The following IQUB variants were observed in gnomAD, a reference collection of about 807,000 sequenced individuals.
IQUB encodes the protein IQ motif and ubiquitin-like domain-containing protein.
In IQUB, 86 loss-of-function variants were observed where a neutral mutation model predicts 86.4. That is an observed-to-expected ratio of 1.00 (90% CI 0.84 to 1.19). IQUB has a LOEUF of 1.19. Ranked by LOEUF, IQUB falls within the 50% of genes most tolerant of loss-of-function variation. The pLI, the probability that IQUB is intolerant of heterozygous loss-of-function variation, is 0.00. For missense variants in IQUB, 946 were observed against 916.9 expected (o/e 1.03, Z -0.41); for synonymous variants, 289 against 304.5 (o/e 0.95, Z 0.53).
At chr7:123,530,188 C>G (rs1440828636) in intron 1 of IQUB, among the ~76,000 whole-genome samples, 1 of 151,430 alleles carries the variant, frequency 6.6e-6, no homozygotes, top group African/African-American at 2.4e-5. Flanking sequence ...GCCTGGGCAA[C>G]AGAGCAAGAC....
At chr7:123,498,281 C>G (rs1318683054) in intron 6 of IQUB, among the ~76,000 whole-genome samples, 1 of 151,996 alleles carries the variant, frequency 6.6e-6, no homozygotes, top group African/African-American at 2.4e-5. Flanking sequence ...TCAGAAACTC[C>G]TGGGTAAGCA....
intron 12 of IQUB, among the ~76,000 whole-genome samples, chr7:123,456,283 T>G (rs758436136): frequency 1.3e-5 from 2 of 152,070 alleles, no homozygotes; most frequent in Non-Finnish European, 2.9e-5. Context: ...CACTGGAATA[T>G]CAGCTTTGGG....
At chr7:123,509,351 T>C (rs1162402888) in intron 3 of IQUB, among the ~76,000 whole-genome samples, 1 of 152,168 alleles carries the variant, frequency 6.6e-6, no homozygotes, top group Non-Finnish European at 1.5e-5. Flanking sequence ...ATGTACAGAA[T>C]ACTCATAAAT....
In IQUB at chr7:123,479,880, G is replaced by A. The variant is rs1039643814; in HGVS notation, c.1325C>T (p.Thr442Ile). ...TCTCCCAATGGAAGCAATTATCTGA[G>A]TCTCTTTTTCCAGAAGTTCACACAG... ...AALCELLEKE[T>I]QIIASIGRHR... Residue 442 changes from threonine to isoleucine, a missense_variant, in exon 8 of 13, where the codon ACT (threonine) becomes ATT (isoleucine). Coordinates refer to ENST00000324698, the MANE Select transcript of IQUB (RefSeq NM_178827.5). The A allele has an allele frequency of 7.4e-6, 12 of 1,612,754 alleles. No homozygotes were observed. Among genetic ancestry groups the A allele is most frequent in the African/African-American group, 1.3e-5 (1 of 74,814 alleles).
At chr7:123,517,213 T>C (rs893154285) in intron 1 of IQUB, among the ~76,000 whole-genome samples, 6 of 152,030 alleles carry the variant, frequency 3.9e-5, no homozygotes, top group Admixed American at 2.6e-4. Flanking sequence ...ATTAGACAGA[T>C]AAATCTGACC....
At chr7:123,499,368 C>T (rs376332698) in intron 6 of IQUB, among the ~76,000 whole-genome samples, 2 of 152,116 alleles carry the variant, frequency 1.3e-5, no homozygotes, top group East Asian at 1.9e-4. Context: ...CTTCAGCCTC[C>T]CAAAGTACTG....
At chr7:123,489,410 A>G (rs1334178952) in intron 7 of IQUB, among the ~76,000 whole-genome samples, 1 of 152,162 alleles carries the variant, frequency 6.6e-6, no homozygotes, top group Non-Finnish European at 1.5e-5. Context: ...TTACTCTCAT[A>G]TTTTTTAAAT....
At chr7:123,475,061 T>C (rs1794688868) in intron 8 of IQUB, among the ~76,000 whole-genome samples, 1 of 152,176 alleles carries the variant, frequency 6.6e-6, no homozygotes, top group South Asian at 2.1e-4. Context: ...TTTCCAAAAA[T>C]AAAATTATGT....
chr7:123,518,952 G>A (rs891509782), intron 1 of IQUB, among the ~76,000 whole-genome samples: 20 of 147,800 alleles, frequency 1.4e-4, no homozygotes, highest in South Asian at 2.2e-4. Context: ...TTCCAGGGAG[G>A]CCTCCCTAAT....
Position 123,503,283 on chromosome 7 carries a change from T to C in IQUB, c.613A>G (p.Thr205Ala), listed in dbSNP as rs1190041488. ...QEIVQVEIFS[T>A]NPDLYPVRRI... is the part of the protein sequence containing the mutation. ...CTGACTGGATACAGATCTGGATTTG[T>C]AGAAAAGATTTCCACTTGTACAATT... Residue 205 changes from threonine (T) to alanine (A), a missense_variant, in exon 4 of 13, where the codon ACA (threonine) becomes GCA (alanine). Coordinates refer to ENST00000324698, the MANE Select transcript of IQUB (RefSeq NM_178827.5). 7 of 1,606,692 alleles carry C rather than the reference T, an allele frequency of 4.4e-6. No homozygotes were observed. Among genetic ancestry groups the C allele is most frequent in the African/African-American group, 2.7e-5 (2 of 74,804 alleles).
intron 8 of IQUB, among the ~76,000 whole-genome samples, chr7:123,478,946 G>A (rs983534291): frequency 4.6e-5 from 7 of 152,100 alleles, no homozygotes; most frequent in African/African-American, 9.7e-5. Context: ...AAGGGATCTG[G>A]CATGGAACTA....
intron 1 of IQUB, among the ~76,000 whole-genome samples, chr7:123,523,723 C>T (rs527263312): frequency 6.6e-6 from 1 of 152,184 alleles, no homozygotes; most frequent in East Asian, 1.9e-4. Flanking sequence ...TCCCATTTGT[C>T]AATTTTTACT....
intron 7 of IQUB, among the ~76,000 whole-genome samples, chr7:123,489,138 C>T (rs1290813605): frequency 6.6e-6 from 1 of 152,154 alleles, no homozygotes; most frequent in African/African-American, 2.4e-5. Flanking sequence ...GGATGCGGAC[C>T]TATGTATAAC....
At chr7:123,489,677 A>G (rs1795373020) in intron 7 of IQUB, among the ~76,000 whole-genome samples, 1 of 151,918 alleles carries the variant, frequency 6.6e-6, no homozygotes, top group Non-Finnish European at 1.5e-5. Flanking sequence ...ATTAGTATGC[A>G]AAAAGATACA....
chr7:123,490,976 A>AC (rs1029380369), intron 7 of IQUB, among the ~76,000 whole-genome samples: 7 of 151,958 alleles, frequency 4.6e-5, no homozygotes, highest in Admixed American at 1.3e-4. Flanking sequence ...GAAAAAAAAA[A>AC]AAACAAACAA....
At chr7:123,502,536 TC>T in intron 6 of IQUB, 60 bp downstream of exon 6, 1 of 1,455,918 alleles carries the variant, frequency 6.9e-7, no homozygotes, top group Non-Finnish European at 9.5e-7. Flanking sequence ...AGAGACACAC[TC>T]GGAACAACTG....
intron 1 of IQUB, chr7:123,532,997 A>C (rs549138693): frequency 6.5e-6 from 1 of 152,932 alleles, no homozygotes; most frequent in Non-Finnish European, 1.5e-5. Context: ...AGGCAGGAGG[A>C]AGAAAGGGGG....
chr7:123,530,929 G>A (rs1276727098), intron 1 of IQUB, among the ~76,000 whole-genome samples: 7 of 151,740 alleles, frequency 4.6e-5, no homozygotes, highest in Admixed American at 1.3e-4. Flanking sequence ...CGCCCGCCTC[G>A]GCCACCCAAA....
chr7:123,482,948 T>C (rs1795070524), intron 7 of IQUB, among the ~76,000 whole-genome samples: 1 of 152,156 alleles, frequency 6.6e-6, no homozygotes, highest in African/African-American at 2.4e-5. Flanking sequence ...TGCAGCCCAC[T>C]GCTCATTATT....
Sources: allele counts gnomAD v4.1 joint callset (sites outside exome capture counted in the v4.1 genomes callset), GRCh38; gene constraint gnomAD v4.1.1; transcripts MANE v1.5; gene names NCBI Gene and HGNC (gene_info 2026-07-23, HGNC 2026-07-21).